Variants in ARAP2 observed in about 807,000 individuals in gnomAD.
The protein encoded by ARAP2 is arf-GAP with Rho-GAP domain, ANK repeat and PH domain-containing protein 2.
In ARAP2, 148 loss-of-function variants were observed where a neutral mutation model predicts 194.5. The observed-to-expected ratio is 0.76, with a 90% CI of 0.67 to 0.87. ARAP2 has a LOEUF of 0.87. Among genes scored for constraint, ARAP2 ranks in the 40% least tolerant of loss-of-function variants. The pLI, the probability that ARAP2 is intolerant of heterozygous loss-of-function variation, is 0.00. For synonymous variants in ARAP2, 695 were observed against 683.5 expected, an observed-to-expected ratio of 1.02 and a Z score of -0.26; for missense variants, 2,128 against 1,989.7, an observed-to-expected ratio of 1.07 and a Z score of -1.32.
intron 6 of ARAP2, among the ~76,000 whole-genome samples, chr4:36,205,222 G>A (rs958847260): frequency 2.6e-5 from 4 of 151,822 alleles, no homozygotes; most frequent in Non-Finnish European, 2.9e-5. Flanking sequence ...AGAAGGGAAG[G>A]AGGGAACAGT....
intron 31 of ARAP2, among the ~76,000 whole-genome samples, chr4:36,075,703 C>G (rs1728095948): frequency 1.3e-5 from 2 of 152,080 alleles, no homozygotes; most frequent in Non-Finnish European, 2.9e-5. Flanking sequence ...TATCTGATTA[C>G]TTATTTATTT....
intron 2 of ARAP2, among the ~76,000 whole-genome samples, chr4:36,055,256 G>C (rs1200415845): frequency 6.6e-6 from 1 of 152,122 alleles, no homozygotes; most frequent in Non-Finnish European, 1.5e-5. Flanking sequence ...TTGTAATATG[G>C]TTATAAAATC....
intron 8 of ARAP2, among the ~76,000 whole-genome samples, chr4:36,014,268 A>AGAAC (rs1715196682): frequency 4.1e-5 from 6 of 146,864 alleles, no homozygotes; most frequent in African/African-American, 1.5e-4. Context: ...AAAGAAAGAA[A>AGAAC]GAAAGAAAGA....
chr4:36,176,601 C>T (rs1229118838), intron 9 of ARAP2, among the ~76,000 whole-genome samples: 1 of 152,050 alleles, frequency 6.6e-6, no homozygotes, highest in Non-Finnish European at 1.5e-5. Flanking sequence ...GTATTTTTAA[C>T]CTCCATTCCA....
chr4:36,010,437 G>A (rs1253690928), intron 9 of ARAP2, among the ~76,000 whole-genome samples: 1 of 151,974 alleles, frequency 6.6e-6, no homozygotes, highest in Non-Finnish European at 1.5e-5. Context: ...CCAGTAAGGA[G>A]CCATCTACTG....
chr4:36,160,787 A>G, intron 12 of ARAP2, 146 bp from the exon 13 acceptor site: 2 of 671,990 alleles, frequency 3.0e-6, no homozygotes, highest in Non-Finnish European at 2.1e-6. Flanking sequence ...TTCCAGAAAA[A>G]GGAAGTATGA....
intron 7 of ARAP2, among the ~76,000 whole-genome samples, chr4:36,189,797 G>A (rs566705649): frequency 6.0e-4 from 92 of 152,188 alleles, no homozygotes; most frequent in Admixed American, 1.9e-3. Context: ...CATATTTCAA[G>A]TCATCAGTAG....
At chr4:36,074,729 T>A (rs1727839531) in intron 31 of ARAP2, among the ~76,000 whole-genome samples, 1 of 152,114 alleles carries the variant, frequency 6.6e-6, no homozygotes, top group Admixed American at 6.6e-5. Context: ...TACTCTTTAT[T>A]TCTCTCAGTT....
At chr4:36,017,254 C>A (rs1212924852) in intron 6 of ARAP2, among the ~76,000 whole-genome samples, 1 of 151,714 alleles carries the variant, frequency 6.6e-6, no homozygotes, top group Non-Finnish European at 1.5e-5. Context: ...GAGATAGACT[C>A]ATTCACTTAT....
At chr4:36,169,279 G>A (rs773216724) in intron 9 of ARAP2, among the ~76,000 whole-genome samples, 2 of 152,080 alleles carry the variant, frequency 1.3e-5, no homozygotes, top group East Asian at 1.9e-4. Context: ...ATTCTCTGAC[G>A]GGGGCCTGGC....
At chr4:36,133,516 C>G in intron 19 of ARAP2, 127 bp from the exon 20 acceptor site, 3 of 800,854 alleles carry the variant, frequency 3.7e-6, no homozygotes, top group South Asian at 1.9e-5. Flanking sequence ...TCATCCACCA[C>G]GAGCTTCCAC....
chr4:36,214,079 G>A (rs1747378094), intron 3 of ARAP2, among the ~76,000 whole-genome samples: 1 of 152,098 alleles, frequency 6.6e-6, no homozygotes, highest in Non-Finnish European at 1.5e-5. Context: ...CAGTTACCAT[G>A]GCAAAATCAC....
chr4:36,166,232 G>A (rs1436051536), intron 10 of ARAP2, among the ~76,000 whole-genome samples: 2 of 151,970 alleles, frequency 1.3e-5, no homozygotes, highest in African/African-American at 2.4e-5. Context: ...CCTCTGACTT[G>A]CCCACTACCA....
chr4:36,152,658 A>G (rs1041151191), intron 15 of ARAP2, among the ~76,000 whole-genome samples: 24 of 130,784 alleles, frequency 1.8e-4, no homozygotes, highest in African/African-American at 7.1e-4. Flanking sequence ...AAGCCCCCCC[A>G]CCATACTGAA....
intron 5 of ARAP2, among the ~76,000 whole-genome samples, chr4:36,025,957 T>C (rs1717834829): frequency 2.0e-5 from 3 of 152,228 alleles, no homozygotes; most frequent in South Asian, 4.1e-4. Context: ...CATGTTTTTT[T>C]CCCCTCTGTA....
chr4:36,023,288 G>A (rs915097501), intron 5 of ARAP2, among the ~76,000 whole-genome samples: 3 of 152,154 alleles, frequency 2.0e-5, no homozygotes, highest in African/African-American at 7.2e-5. Flanking sequence ...TGGACGAGAT[G>A]AATCATTTGC....
intron 28 of ARAP2, among the ~76,000 whole-genome samples, chr4:36,091,163 T>C (rs1023260774): frequency 2.6e-5 from 4 of 152,166 alleles, no homozygotes; most frequent in Admixed American, 6.6e-5. Flanking sequence ...TATTATTTTT[T>C]AAGCATTAAA....
chr4:36,184,276 C>CAT (rs10602029), intron 8 of ARAP2, among the ~76,000 whole-genome samples: 2,947 of 148,592 alleles, frequency 0.02, 36 homozygotes, highest in Middle Eastern at 0.063. Flanking sequence ...GATGCATAAA[C>CAT]ATATATATAT....
intron 16 of ARAP2, among the ~76,000 whole-genome samples, chr4:36,149,328 C>A (rs894114266): frequency 2.6e-5 from 4 of 152,114 alleles, no homozygotes; most frequent in African/African-American, 9.7e-5. Context: ...GTCATTTAAT[C>A]TTAGCAGTTC....
Sources: allele counts gnomAD v4.1 joint callset (sites outside exome capture counted in the v4.1 genomes callset), GRCh38; gene constraint gnomAD v4.1.1; transcripts MANE v1.5; gene names NCBI Gene and HGNC (gene_info 2026-07-23, HGNC 2026-07-21).